LOXL1: variants seen among roughly 807,000 people sequenced by gnomAD.
The protein encoded by LOXL1 is lysyl oxidase like 1.
In LOXL1, 31 loss-of-function variants were observed where a neutral mutation model predicts 62.2. That is an observed-to-expected ratio of 0.50 (90% CI 0.37 to 0.67). LOXL1 has a LOEUF of 0.67. LOXL1 is among the 30% of genes least tolerant of loss of function. LOXL1 has a pLI of 0.00. For synonymous variants in LOXL1, 403 were observed against 384.4 expected (o/e 1.05, Z -0.56); for missense variants, 775 against 843.4 (o/e 0.92, Z 1.00).
chr15:73,928,777 CATTA>C lies in LOXL1; in HGVS notation c.1102+896_1102+899del, dbSNP rs566827040. Among the ~76,000 whole-genome samples the C allele has an allele frequency of 3.5e-4, 53 of 151,442 alleles. 1 individual carries two copies. The South Asian group carries it at 9.8e-3, about 28-fold the overall frequency. ...ATTTTGTTCATTACAGATAGTTTTG[CATTA>C]ATTTTTATTTTAAAAACTATTGTGT... is the stretch of plus-strand genomic sequence containing the variant. On this transcript the variant is annotated intron_variant, in intron 1 of 6. Coordinates refer to ENST00000261921, the MANE Select transcript of LOXL1 (RefSeq NM_005576.4).
At chr15:73,931,837 G>C (rs2068637453) in intron 1 of LOXL1, among the ~76,000 whole-genome samples, 1 of 152,192 alleles carries the variant, frequency 6.6e-6, no homozygotes. Flanking sequence ...ACCAAAGCAG[G>C]CTTCACCCAA....
chr15:73,936,879 G>C (rs999956433), intron 1 of LOXL1, among the ~76,000 whole-genome samples: 1 of 152,240 alleles, frequency 6.6e-6, no homozygotes, highest in African/African-American at 2.4e-5. Flanking sequence ...GAGAGGGCTC[G>C]GGCTCTTGCC....
At chr15:73,935,934 G>GGTGT (rs3056338) in intron 1 of LOXL1, among the ~76,000 whole-genome samples, 8,884 of 131,692 alleles carry the variant, frequency 0.067, 578 homozygotes, top group African/African-American at 0.16. Context: ...AGGTAGAGCT[G>GGTGT]GTGTGTGTGT....
At chr15:73,946,622 G>A in intron 3 of LOXL1, 68 bp downstream of exon 3, 1 of 1,519,736 alleles carries the variant, frequency 6.6e-7, no homozygotes, top group Non-Finnish European at 8.9e-7. Flanking sequence ...TGGTGCCTGA[G>A]CTCCCCTCCC....
At position 73,946,399 on chromosome 15, in the gene LOXL1, C is replaced by T. The variant is rs1386065711; in HGVS notation, c.1212-18C>T. 1 of 1,540,870 alleles carries T rather than the reference C, an allele frequency of 6.5e-7. No individual in the cohort carries two copies. Among genetic ancestry groups the T allele is most frequent in the African/African-American group, 1.4e-5 (1 of 73,220 alleles). On this transcript the variant is annotated intron_variant, in intron 2 of 6. Transcript: ENST00000261921. ...ACTGTGCCCCAACCCCCCCTCATCT[C>T]CCCCGCCGTCCCTGCAGCACAGCCT...
intron 2 of LOXL1, among the ~76,000 whole-genome samples, chr15:73,946,067 G>C (rs2068745016): frequency 6.6e-6 from 1 of 152,170 alleles, no homozygotes; most frequent in South Asian, 2.1e-4. Context: ...GCCCTTCAGA[G>C]ATTGCTATGT....
At chr15:73,940,935 G>A (rs2068709573) in intron 1 of LOXL1, among the ~76,000 whole-genome samples, 1 of 152,214 alleles carries the variant, frequency 6.6e-6, no homozygotes, top group African/African-American at 2.4e-5. Flanking sequence ...GGAGCCATCT[G>A]TGCAGTATTT....
chr15:73,943,078 T>G, intron 2 of LOXL1, 116 bp downstream of exon 2: 2 of 777,268 alleles, frequency 2.6e-6, no homozygotes, highest in South Asian at 3.0e-5. Context: ...CCTGGCCAAG[T>G]GCCCCAGCCT....
chr15:73,936,052 GCTGCCAGAGAC>G (rs2068669969), intron 1 of LOXL1, among the ~76,000 whole-genome samples: 1 of 151,526 alleles, frequency 6.6e-6, no homozygotes, highest in Non-Finnish European at 1.5e-5. Flanking sequence ...GTTGGGGTAT[GCTGCCAGAGAC>G]CTGCCTACTG....
chr15:73,927,802 C>G lies in LOXL1; in HGVS notation c.1019C>G (p.Pro340Arg). 1 of 1,375,698 alleles carries G rather than the reference C, an allele frequency of 7.3e-7. No homozygotes were observed. Among genetic ancestry groups the G allele is most frequent in the Non-Finnish European group, 9.3e-7 (1 of 1,073,232 alleles). The allele number at this position is 1,375,698 out of a possible 1,614,324, so 85.2% of individuals were successfully genotyped here. A position where few individuals can be genotyped will look rare whatever the true frequency, so the allele number is the denominator to read the frequency against. ...CTGCCGGTGCGCAGCTCCGACACGC[C>G]CCCGCCGGGTGGGGAGCGGAACGGC... ...PYLPVRSSDT[P>R]PPGGERNGAQ... Residue 340 changes from proline (P) to arginine (R), a missense_variant, in exon 1 of 7, where the codon CCC becomes CGC. Transcript: ENST00000261921.
chr15:73,947,766 A>C, intron 4 of LOXL1, 41 bp from the exon 5 acceptor site: 1 of 1,421,190 alleles, frequency 7.0e-7, no homozygotes. Flanking sequence ...GGCTCTGGGA[A>C]ACAAGCAGCA....
At chr15:73,939,385 C>T (rs1183067633) in intron 1 of LOXL1, among the ~76,000 whole-genome samples, 2 of 152,210 alleles carry the variant, frequency 1.3e-5, no homozygotes, top group Non-Finnish European at 2.9e-5. Flanking sequence ...TTTCCAGCAG[C>T]TTCCCCGAGC....
rs540225461 is a variant in LOXL1, at chr15:73,933,455, C to T, written c.1102+5570C>T. Among the ~76,000 whole-genome samples, 126 of 152,332 alleles carry T rather than the reference C, an allele frequency of 8.3e-4. 1 individual carries two copies. The highest frequency in any genetic ancestry group is 3.0e-3 in the African/African-American group (124 of 41,580). ...AATTTGGGTTTTTGCCTCAAGTTTGCGGGCCCCACAGAGTTGCTGGGGATG... is the reference window on the plus strand; with the variant it reads ...AATTTGGGTTTTTGCCTCAAGTTTGTGGGCCCCACAGAGTTGCTGGGGATG... On this transcript the variant is annotated intron_variant, in intron 1 of 6. Coordinates refer to ENST00000261921, the MANE Select transcript of LOXL1 (RefSeq NM_005576.4).
intron 1 of LOXL1, among the ~76,000 whole-genome samples, chr15:73,939,249 A>G (rs1284981168): frequency 2.0e-5 from 3 of 152,188 alleles, no homozygotes; most frequent in African/African-American, 7.2e-5. Flanking sequence ...TGCCCAGAGA[A>G]GGAGCCATTG....
intron 2 of LOXL1, among the ~76,000 whole-genome samples, chr15:73,943,851 C>A (rs942265696): frequency 2.0e-5 from 3 of 152,170 alleles, no homozygotes; most frequent in African/African-American, 7.2e-5. Context: ...AGAATCTCAA[C>A]ATTTTCTCAT....
chr15:73,943,701 ATAAT>A (rs2068730306), intron 2 of LOXL1, among the ~76,000 whole-genome samples: 1 of 152,242 alleles, frequency 6.6e-6, no homozygotes. Context: ...CTGGGCCAAA[ATAAT>A]TAGTTAAGAT....
chr15:73,934,297 G>A (rs908800615), intron 1 of LOXL1, among the ~76,000 whole-genome samples: 3 of 152,222 alleles, frequency 2.0e-5, no homozygotes, highest in Non-Finnish European at 2.9e-5. Flanking sequence ...ATTGGCTCAC[G>A]CACTTGCCAA....
At chr15:73,933,798 T>C (rs1345247460) in intron 1 of LOXL1, among the ~76,000 whole-genome samples, 1 of 152,262 alleles carries the variant, frequency 6.6e-6, no homozygotes, top group Non-Finnish European at 1.5e-5. Context: ...CCAATTGCTG[T>C]GCCCAGCATT....
rs145040049 is a variant in LOXL1, at chr15:73,942,641, G to A, written c.1103-213G>A. 3.5e-3 allele frequency among the ~76,000 whole-genome samples: 534 copies of A among 152,112 alleles called. 5 individuals carry two copies. Among genetic ancestry groups the A allele is most frequent in the African/African-American group, 0.012 (506 of 41,484 alleles). On this transcript the variant is annotated intron_variant, in intron 1 of 6. Coordinates refer to ENST00000261921, the MANE Select transcript of LOXL1 (RefSeq NM_005576.4). ...AGGAAGTCTTAGCAGCTCCCACACC[G>A]CAGAGCTCGAGATGTAAGCTCTTGC... is the stretch of plus-strand genomic sequence containing the variant.
Sources: allele counts gnomAD v4.1 joint callset (sites outside exome capture counted in the v4.1 genomes callset), GRCh38; gene constraint gnomAD v4.1.1; transcripts MANE v1.5; gene names NCBI Gene and HGNC (gene_info 2026-07-23, HGNC 2026-07-21).